Variants in TNFSF13B observed in about 807,000 individuals in gnomAD.
TNFSF13B encodes TNF superfamily member 13b, also known as tumor necrosis factor ligand superfamily member 13B.
A neutral mutation model predicts 29.1 loss-of-function variants in TNFSF13B; 8 were observed. The observed-to-expected ratio is 0.27, with a 90% confidence interval of 0.16 to 0.50. TNFSF13B has a LOEUF of 0.50. Ranked by LOEUF, TNFSF13B falls within the 20% of genes least tolerant of loss-of-function variation. The probability of loss-of-function intolerance (pLI) is 0.98; values close to 1 mark genes in which losing one functional copy is unlikely to be tolerated. For synonymous variants in TNFSF13B, 125 were observed against 130.8 expected, an observed-to-expected ratio of 0.96 and a Z score of 0.30; for missense variants, 248 against 334.9, an observed-to-expected ratio of 0.74 and a Z score of 2.03.
At chr13:108,277,960 A>G (rs1456696044) in intron 2 of TNFSF13B, among the ~76,000 whole-genome samples, 1 of 152,148 alleles carries the variant, frequency 6.6e-6, no homozygotes, top group East Asian at 1.9e-4. Flanking sequence ...ACAGCCCAGT[A>G]GGTCTCAGTT....
At chr13:108,285,043 A>G (rs1054490059) in intron 2 of TNFSF13B, among the ~76,000 whole-genome samples, 2 of 152,208 alleles carry the variant, frequency 1.3e-5, no homozygotes, top group African/African-American at 4.8e-5. Context: ...CCTGGGGCAC[A>G]GGCATGGATA....
intron 3 of TNFSF13B, among the ~76,000 whole-genome samples, chr13:108,292,052 A>G (rs971929427): frequency 1.4e-5 from 2 of 143,490 alleles, no homozygotes; most frequent in African/African-American, 4.9e-5. Flanking sequence ...ATATTTTACA[A>G]CCACCAACTC....
At chr13:108,301,179 A>T (rs1881612345) in intron 3 of TNFSF13B, 1 of 152,188 alleles carries the variant, frequency 6.6e-6, no homozygotes, top group Non-Finnish European at 1.5e-5. Flanking sequence ...ATACCATATG[A>T]TCCAGCAATC....
rs1459570012 is a variant in TNFSF13B at position 108,307,740 on chromosome 13, T to C, written c.*802T>C. The C allele has an allele frequency of 6.6e-6, 1 of 152,090 alleles. No individual in the cohort carries two copies. Among genetic ancestry groups the C allele is most frequent in the Non-Finnish European group, 1.5e-5 (1 of 67,952 alleles). 9.4% of individuals were successfully genotyped at this position (152,090 alleles called of 1,614,324 possible). A position where few individuals can be genotyped will look rare whatever the true frequency, so the allele number is the denominator to read the frequency against. The stretch of plus-strand genomic sequence containing the variant: ...ATTGAAAAATAACTAGAATTGTGCA[T>C]ATATAACACATAATCTCCAACAGAA... On this transcript the variant is annotated 3_prime_UTR_variant, in exon 6 of 6. Coordinates refer to ENST00000375887, the MANE Select transcript of TNFSF13B (RefSeq NM_006573.5).
intron 3 of TNFSF13B, among the ~76,000 whole-genome samples, chr13:108,302,024 G>A (rs1251561600): frequency 6.6e-6 from 1 of 152,172 alleles, no homozygotes; most frequent in Non-Finnish European, 1.5e-5. Flanking sequence ...CTTGGCAGTT[G>A]TATTTACAGA....
intron 2 of TNFSF13B, among the ~76,000 whole-genome samples, chr13:108,273,854 C>T (rs181018811): frequency 2.6e-5 from 4 of 152,242 alleles, no homozygotes; most frequent in Admixed American, 2.6e-4. Context: ...GACCCTTGAA[C>T]AACACAGGTT....
chr13:108,280,284 G>C (rs1594519752), intron 2 of TNFSF13B, among the ~76,000 whole-genome samples: 1 of 152,182 alleles, frequency 6.6e-6, no homozygotes, highest in African/African-American at 2.4e-5. Flanking sequence ...CAACTCAGAG[G>C]ATAGTTATAT....
At chr13:108,270,545 A>G in intron 2 of TNFSF13B, 121 bp downstream of exon 2, 1 of 984,100 alleles carries the variant, frequency 1.0e-6, no homozygotes, top group South Asian at 1.5e-5. Flanking sequence ...GAAATTTGCC[A>G]TCCAAAGCAG....
chr13:108,308,390 T>C lies in TNFSF13B; in HGVS notation c.*1452T>C, dbSNP rs1202818262. The C allele has an allele frequency of 6.6e-6, 1 of 152,078 alleles. No individual in the cohort carries two copies. Among genetic ancestry groups the C allele is most frequent in the Non-Finnish European group, 1.5e-5 (1 of 67,998 alleles). 9.4% of individuals were successfully genotyped at this position (152,078 alleles called of 1,614,324 possible). A position where few individuals can be genotyped will look rare whatever the true frequency, so the allele number is the denominator to read the frequency against. ...TAAAAAGAAGAAGCGATAAGTGGAGTCAGTTTCAATGCTAGGTGGGGTGGT... is the reference window on the plus strand; with the variant it reads ...TAAAAAGAAGAAGCGATAAGTGGAGCCAGTTTCAATGCTAGGTGGGGTGGT... On this transcript the variant is annotated 3_prime_UTR_variant, in exon 6 of 6. Coordinates refer to ENST00000375887, the MANE Select transcript of TNFSF13B (RefSeq NM_006573.5).
chr13:108,278,683 T>TTCC (rs1408416139), intron 2 of TNFSF13B, among the ~76,000 whole-genome samples: 1 of 9,664 alleles, frequency 1.0e-4, no homozygotes, highest in Non-Finnish European at 2.2e-4. Flanking sequence ...CTCTCCTCCT[T>TTCC]TCCTCCTCCT....
chr13:108,293,342 T>C (rs935257218), intron 3 of TNFSF13B, among the ~76,000 whole-genome samples: 1 of 152,226 alleles, frequency 6.6e-6, no homozygotes, highest in African/African-American at 2.4e-5. Flanking sequence ...TAGTAAATTT[T>C]GAAATTTAGG....
chr13:108,279,919 A>G (rs747833107), intron 2 of TNFSF13B, among the ~76,000 whole-genome samples: 1 of 151,620 alleles, frequency 6.6e-6, no homozygotes, highest in Non-Finnish European at 1.5e-5. Context: ...TTGAAGTGTC[A>G]CCTCCCAGAG....
chr13:108,301,482 C>G (rs1881621710), intron 3 of TNFSF13B, among the ~76,000 whole-genome samples: 1 of 152,152 alleles, frequency 6.6e-6, no homozygotes, highest in Non-Finnish European at 1.5e-5. Context: ...TAAGGAAACC[C>G]TGTTGTTTGC....
At chr13:108,275,555 A>G (rs1016798351) in intron 2 of TNFSF13B, among the ~76,000 whole-genome samples, 2 of 152,130 alleles carry the variant, frequency 1.3e-5, no homozygotes, top group African/African-American at 4.8e-5. Flanking sequence ...AAAGTAATGT[A>G]AAGCAAGAAT....
At chr13:108,294,807 A>C (rs1421569375) in intron 3 of TNFSF13B, among the ~76,000 whole-genome samples, 1 of 145,074 alleles carries the variant, frequency 6.9e-6, no homozygotes, top group African/African-American at 2.6e-5. Flanking sequence ...TTTTCTTTAA[A>C]TGTCTAGTAA....
At chr13:108,280,793 G>T (rs902896960) in intron 2 of TNFSF13B, among the ~76,000 whole-genome samples, 4 of 151,270 alleles carry the variant, frequency 2.6e-5, no homozygotes, top group African/African-American at 9.7e-5. Flanking sequence ...ATTGCTTTAA[G>T]CACAAAACAT....
chr13:108,298,214 T>C (rs1881509036), intron 3 of TNFSF13B, among the ~76,000 whole-genome samples: 1 of 145,094 alleles, frequency 6.9e-6, no homozygotes, highest in African/African-American at 2.6e-5. Context: ...GTAGGGAGTA[T>C]GAGGTCTATG....
intron 3 of TNFSF13B, among the ~76,000 whole-genome samples, chr13:108,290,018 C>A (rs1216306970): frequency 6.6e-6 from 1 of 152,110 alleles, no homozygotes; most frequent in East Asian, 1.9e-4. Flanking sequence ...CCCACACTCA[C>A]CTCACTTTCA....
chr13:108,306,221 C>A (rs1276016051), intron 5 of TNFSF13B, among the ~76,000 whole-genome samples: 1 of 151,968 alleles, frequency 6.6e-6, no homozygotes, highest in African/African-American at 2.4e-5. Flanking sequence ...TAAAGACAAA[C>A]ATGGTCATCT....
Sources: allele counts gnomAD v4.1 joint callset (sites outside exome capture counted in the v4.1 genomes callset), GRCh38; gene constraint gnomAD v4.1.1; transcripts MANE v1.5; gene names NCBI Gene and HGNC (gene_info 2026-07-23, HGNC 2026-07-21).